Variants in CLSTN2 observed in about 807,000 individuals in gnomAD.
CLSTN2 encodes the protein calsyntenin-2.
A neutral mutation model predicts 101.2 loss-of-function variants in CLSTN2; 48 were observed. That is an observed-to-expected ratio of 0.47 (90% CI 0.38 to 0.60). The LOEUF (loss-of-function observed/expected upper bound fraction) is 0.60, where lower values mean the gene tolerates loss of function less well. CLSTN2 is among the 20% of genes least tolerant of loss of function. The pLI, the probability that CLSTN2 is intolerant of heterozygous loss-of-function variation, is 0.00. For missense variants in CLSTN2, 1,160 were observed against 1,238.2 expected, an observed-to-expected ratio of 0.94 and a Z score of 0.95; for synonymous variants, 481 against 463.6, an observed-to-expected ratio of 1.04 and a Z score of -0.48.
intron 2 of CLSTN2, among the ~76,000 whole-genome samples, chr3:140,176,641 C>T (rs914862340): frequency 1.2e-4 from 18 of 152,238 alleles, no homozygotes; most frequent in Admixed American, 7.8e-4. Context: ...CCTCTGTTTC[C>T]TCCTCGGACC....
chr3:140,043,445 T>C lies in CLSTN2; in HGVS notation c.109+107962T>C, dbSNP rs571206685. Reference sequence around the variant, plus strand: ...ATTAGCCCTTTGCCAGATGGGTAGATTGTAAAAAGTTTCTCCCATTCTGTA... The same window carrying C: ...ATTAGCCCTTTGCCAGATGGGTAGACTGTAAAAAGTTTCTCCCATTCTGTA... On this transcript the variant is annotated intron_variant, in intron 1 of 16. Coordinates refer to ENST00000458420, the MANE Select transcript of CLSTN2 (RefSeq NM_022131.3). Among the ~76,000 whole-genome samples the C allele has an allele frequency of 5.7e-4, 87 of 152,334 alleles. 1 individual carries two copies. The highest frequency in any genetic ancestry group is 1.5e-4 in the Non-Finnish European group (10 of 68,034).
chr3:140,563,017 A>G, intron 14 of CLSTN2, 61 bp downstream of exon 14: 1 of 1,611,752 alleles, frequency 6.2e-7, no homozygotes, highest in Non-Finnish European at 8.5e-7. Context: ...ATTCATTCAG[A>G]AATGCTGTAA....
intron 2 of CLSTN2, among the ~76,000 whole-genome samples, chr3:140,323,266 G>A (rs1484823472): frequency 6.6e-6 from 1 of 152,180 alleles, no homozygotes; most frequent in Non-Finnish European, 1.5e-5. Flanking sequence ...CACTGGTCAG[G>A]GAACTTGGAT....
intron 2 of CLSTN2, among the ~76,000 whole-genome samples, chr3:140,178,502 A>T (rs990427081): frequency 6.6e-6 from 1 of 152,200 alleles, no homozygotes; most frequent in African/African-American, 2.4e-5. Flanking sequence ...TTCCATTTAA[A>T]GACAACTTCT....
In CLSTN2 at chr3:140,566,434, C is replaced by G. The variant is rs1172120674; in HGVS notation, c.*181C>G. The stretch of plus-strand genomic sequence containing the variant: ...CCTGTGTTTCATCCATGGGGAAGTT[C>G]CAAGAAGCCCAGCATGGCCATCAGT... On this transcript the variant is annotated 3_prime_UTR_variant, in exon 17 of 17. Transcript: ENST00000458420. 1.6e-6 allele frequency: 1 copy of G among 632,192 alleles called. No individual in the cohort carries two copies. Among genetic ancestry groups the G allele is most frequent in the Non-Finnish European group, 2.8e-6 (1 of 360,116 alleles). The allele number at this position is 632,192 out of a possible 1,614,324, so 39.2% of individuals were successfully genotyped here.
intron 2 of CLSTN2, among the ~76,000 whole-genome samples, chr3:140,349,814 A>G (rs2087586789): frequency 6.6e-6 from 1 of 152,196 alleles, no homozygotes; most frequent in African/African-American, 2.4e-5. Flanking sequence ...CTAAAACTGC[A>G]TGTTGCTAGC....
intron 2 of CLSTN2, among the ~76,000 whole-genome samples, chr3:140,268,634 A>G (rs1287981240): frequency 6.6e-6 from 1 of 152,164 alleles, no homozygotes. Context: ...TTAGGAGAAG[A>G]GGTTCCATTC....
intron 2 of CLSTN2, among the ~76,000 whole-genome samples, chr3:140,276,375 C>T (rs2086795580): frequency 6.6e-6 from 1 of 152,144 alleles, no homozygotes; most frequent in Non-Finnish European, 1.5e-5. Flanking sequence ...CTTGGCTCAC[C>T]TTAGAGCCCA....
intron 7 of CLSTN2, among the ~76,000 whole-genome samples, 183 bp from the exon 8 acceptor site, chr3:140,466,427 A>T (rs1273911350): frequency 2.0e-5 from 3 of 152,030 alleles, no homozygotes; most frequent in Non-Finnish European, 4.4e-5. Flanking sequence ...TTCCTCTTCC[A>T]CTTTGGAAGA....
At position 140,563,146 on chromosome 3, in the gene CLSTN2, C is replaced by G. The variant is rs780820176; in HGVS notation, c.2425C>G (p.Pro809Ala). 4 of 1,614,164 alleles carry G rather than the reference C, an allele frequency of 2.5e-6. No individual in the cohort carries two copies. In the Admixed American group the frequency reaches 6.7e-5, roughly 27 times the overall value. Residue 809 changes from proline (P) to alanine (A), a missense_variant, in exon 15 of 17, where the codon CCC becomes GCC. Transcript: ENST00000458420. ...EHVNHLIVQP[P>A]FLQSVHHPES... ...TGTCAATCATCTGATTGTGCAGCCT[C>G]CCTTCCTCCAGTCTGTCCATCATCC...
chr3:140,117,502 C>T (rs2009265172), intron 1 of CLSTN2, among the ~76,000 whole-genome samples: 1 of 152,168 alleles, frequency 6.6e-6, no homozygotes, highest in African/African-American at 2.4e-5. Flanking sequence ...CAGAGCCAGC[C>T]TATGACATGT....
chr3:140,136,238 G>A (rs1164838273), intron 1 of CLSTN2, among the ~76,000 whole-genome samples: 2 of 152,124 alleles, frequency 1.3e-5, no homozygotes, highest in African/African-American at 2.4e-5. Context: ...TAATTCTTGC[G>A]ATATTTGTAG....
intron 2 of CLSTN2, among the ~76,000 whole-genome samples, chr3:140,343,265 G>A (rs2087509263): frequency 6.6e-6 from 1 of 152,178 alleles, no homozygotes; most frequent in Non-Finnish European, 1.5e-5. Flanking sequence ...TGCTAGAAGA[G>A]GATGAGGCTG....
chr3:140,027,311 G>A (rs1002125869), intron 1 of CLSTN2, among the ~76,000 whole-genome samples: 1 of 152,090 alleles, frequency 6.6e-6, no homozygotes, highest in African/African-American at 2.4e-5. Flanking sequence ...CTGGATTAAG[G>A]TGGGTCCCAA....
At chr3:140,227,386 C>T (rs1393601759) in intron 2 of CLSTN2, among the ~76,000 whole-genome samples, 1 of 152,236 alleles carries the variant, frequency 6.6e-6, no homozygotes, top group East Asian at 1.9e-4. Flanking sequence ...CAAGCTGATG[C>T]AAGAAGTTGG....
intron 1 of CLSTN2, among the ~76,000 whole-genome samples, chr3:140,149,203 C>T (rs1024627013): frequency 1.1e-4 from 17 of 152,162 alleles, no homozygotes; most frequent in African/African-American, 4.1e-4. Flanking sequence ...TCAGTAACTC[C>T]TTGAGAGTGA....
chr3:140,459,739 G>A lies in CLSTN2; in HGVS notation c.1192G>A (p.Glu398Lys), dbSNP rs1933513464. 2 of 1,614,126 alleles carry A rather than the reference G, an allele frequency of 1.2e-6. No homozygotes were observed. The highest frequency in any genetic ancestry group is 2.2e-5 in the East Asian group (1 of 44,868). ...GPSPGVRAEKETILCNSDKTE... is the reference protein window; with the variant it reads ...GPSPGVRAEKKTILCNSDKTE... ...CAGCCCTGGTGTGAGAGCCGAGAAG[G>A]AAACCATCCTCTGCAACTCAGACAA... is the stretch of plus-strand genomic sequence containing the variant. The change falls in exon 7 of 17, where the codon GAA becomes AAA. Residue 398 changes from glutamate to lysine, a missense_variant. Coordinates refer to ENST00000458420, the MANE Select transcript of CLSTN2 (RefSeq NM_022131.3).
At chr3:140,331,547 A>G (rs1175305515) in intron 2 of CLSTN2, among the ~76,000 whole-genome samples, 1 of 152,208 alleles carries the variant, frequency 6.6e-6, no homozygotes, top group Non-Finnish European at 1.5e-5. Context: ...ACACAAAAGT[A>G]TTGATCATTC....
At chr3:140,009,910 C>A (rs1168014112) in intron 1 of CLSTN2, among the ~76,000 whole-genome samples, 1 of 152,204 alleles carries the variant, frequency 6.6e-6, no homozygotes, top group African/African-American at 2.4e-5. Flanking sequence ...CACGCTGTTG[C>A]CCTTGTCCAG....
Sources: gnomAD v4.1 joint callset for allele counts (sites outside exome capture counted in the v4.1 genomes callset) on GRCh38, gnomAD v4.1.1 for gene constraint, MANE v1.5 for transcripts, NCBI Gene and HGNC (gene_info 2026-07-23, HGNC 2026-07-21) for gene names.